Variants in RBMS2 observed in about 807,000 individuals in gnomAD.
The protein encoded by RBMS2 is RNA binding motif single stranded interacting protein 2.
A neutral mutation model predicts 58.4 loss-of-function variants in RBMS2; 38 were observed. The ratio of observed to expected loss-of-function variants is 0.65; its 90% CI spans 0.50 to 0.85. The LOEUF (loss-of-function observed/expected upper bound fraction) is 0.85. RBMS2 is among the 40% of genes least tolerant of loss of function. The pLI, the probability that RBMS2 is intolerant of heterozygous loss-of-function variation, is 0.00. For synonymous variants in RBMS2, 151 were observed against 180.7 expected (o/e 0.84, Z 1.32); for missense variants, 367 against 503.7 (o/e 0.73, Z 2.60).
chr12:56,522,198 A>G, intron 1 of RBMS2, 109 bp downstream of exon 1: 1 of 852,162 alleles, frequency 1.2e-6, no homozygotes, highest in Non-Finnish European at 1.8e-6. Flanking sequence ...TCCTCTCTCA[A>G]GATTCCTAAT....
At chr12:56,538,383 A>C (rs1875351334) in intron 1 of RBMS2, among the ~76,000 whole-genome samples, 1 of 150,836 alleles carries the variant, frequency 6.6e-6, no homozygotes, top group South Asian at 2.1e-4. Flanking sequence ...GATTACAGGC[A>C]TGAGCCACTA....
intron 1 of RBMS2, among the ~76,000 whole-genome samples, chr12:56,533,317 G>A (rs1874117644): frequency 6.6e-6 from 1 of 151,038 alleles, no homozygotes; most frequent in Non-Finnish European, 1.5e-5. Context: ...GCCCAAGATG[G>A]TCTCGAACTC....
chr12:56,526,294 G>A (rs985448690), intron 1 of RBMS2, among the ~76,000 whole-genome samples: 3 of 151,338 alleles, frequency 2.0e-5, no homozygotes, highest in Admixed American at 6.6e-5. Context: ...GCAACAGAGT[G>A]AGACTCCATC....
At chr12:56,543,125 G>T (rs960053388) in intron 1 of RBMS2, among the ~76,000 whole-genome samples, 1 of 151,976 alleles carries the variant, frequency 6.6e-6, no homozygotes, top group African/African-American at 2.4e-5. Flanking sequence ...CTCCTGCCTT[G>T]GTTTCTCTAA....
At position 56,594,847 on chromosome 12, in the gene RBMS2, C is replaced by T. The variant is rs990870875; in HGVS notation, c.*5714C>T. On this transcript the variant is annotated 3_prime_UTR_variant, in exon 14 of 14. Coordinates refer to ENST00000262031, the MANE Select transcript of RBMS2 (RefSeq NM_002898.4). Reference sequence around the variant, plus strand: ...TCTACCTCACAACCTCACAATTCAACAACAGGTAAATACCTGGATTCACTG... The same window carrying T: ...TCTACCTCACAACCTCACAATTCAATAACAGGTAAATACCTGGATTCACTG... 2 of 152,212 alleles carry T rather than the reference C, an allele frequency of 1.3e-5. No individual in the cohort carries two copies. The highest frequency in any genetic ancestry group is 2.9e-5 in the Non-Finnish European group (2 of 68,046). 9.4% of individuals were successfully genotyped at this position (152,212 alleles called of 1,614,324 possible).
At chr12:56,544,055 A>T (rs1019476484) in intron 1 of RBMS2, among the ~76,000 whole-genome samples, 2 of 151,388 alleles carry the variant, frequency 1.3e-5, no homozygotes, top group Non-Finnish European at 2.9e-5. Context: ...AGGCAGGGGG[A>T]TCACAAGGTC....
At chr12:56,525,687 A>C (rs1444060101) in intron 1 of RBMS2, among the ~76,000 whole-genome samples, 2 of 151,330 alleles carry the variant, frequency 1.3e-5, no homozygotes, top group African/African-American at 4.9e-5. Flanking sequence ...TTCGAGACAG[A>C]GTCTCGCTCT....
At chr12:56,564,724 A>G (rs1303540790) in intron 2 of RBMS2, among the ~76,000 whole-genome samples, 1 of 152,196 alleles carries the variant, frequency 6.6e-6, no homozygotes, top group African/African-American at 2.4e-5. Context: ...CTGTAATTCC[A>G]GCACTTTGGG....
At chr12:56,552,123 A>G (rs1180040038) in intron 1 of RBMS2, among the ~76,000 whole-genome samples, 1 of 152,242 alleles carries the variant, frequency 6.6e-6, no homozygotes, top group Non-Finnish European at 1.5e-5. Flanking sequence ...AGTATGATTT[A>G]TTAACTAAAA....
At chr12:56,586,604 C>T (rs1406863781) in intron 9 of RBMS2, among the ~76,000 whole-genome samples, 4 of 151,224 alleles carry the variant, frequency 2.6e-5, no homozygotes, top group Non-Finnish European at 5.9e-5. Flanking sequence ...CTCACTCTGT[C>T]GCCCAGGCTG....
chr12:56,588,423 G>A (rs1884978192), intron 12 of RBMS2, 49 bp downstream of exon 12: 2 of 1,515,602 alleles, frequency 1.3e-6, no homozygotes, highest in Admixed American at 1.7e-5. Flanking sequence ...AATGAACGGA[G>A]GCAGGTTTCC....
chr12:56,575,004 C>A (rs552740729), intron 5 of RBMS2, among the ~76,000 whole-genome samples: 2 of 150,914 alleles, frequency 1.3e-5, no homozygotes, highest in African/African-American at 4.9e-5. Flanking sequence ...AAAAATTAGC[C>A]GGGCGTGGTG....
rs558260845 is a variant in RBMS2 at position 56,524,702 on chromosome 12, A to G, written c.66+2613A>G. Among the ~76,000 whole-genome samples, 351 of 150,808 alleles carry G rather than the reference A, an allele frequency of 2.3e-3. 1 individual carries two copies. The highest frequency in any genetic ancestry group is 4.5e-3 in the Non-Finnish European group (302 of 67,816). ...AAGTGCTGAGATTATACTTTGAGTC[A>G]CCAAGCCTGGCCCATATTTTTATTT... On this transcript the variant is annotated intron_variant, in intron 1 of 13. Transcript: ENST00000262031.
chr12:56,528,110 A>G (rs1001625417), intron 1 of RBMS2: 1 of 152,028 alleles, frequency 6.6e-6, no homozygotes, highest in African/African-American at 2.4e-5. Context: ...TTAGCCACAT[A>G]TGGTGGTGTG....
chr12:56,557,997 C>T (rs1260952134), intron 1 of RBMS2, among the ~76,000 whole-genome samples: 1 of 147,424 alleles, frequency 6.8e-6, no homozygotes, highest in African/African-American at 2.5e-5. Context: ...CCTCAGCCTC[C>T]CAAAGTACTG....
At chr12:56,583,966 T>C (rs375267176) in intron 9 of RBMS2, among the ~76,000 whole-genome samples, 4 of 152,322 alleles carry the variant, frequency 2.6e-5, no homozygotes. Context: ...ATCAGAATCA[T>C]GTGGAAAGCT....
chr12:56,541,472 C>T (rs1479315606), intron 1 of RBMS2, among the ~76,000 whole-genome samples: 1 of 152,116 alleles, frequency 6.6e-6, no homozygotes, highest in Non-Finnish European at 1.5e-5. Context: ...ATTTGCATAG[C>T]TCTTAAAGAT....
At position 56,589,011 on chromosome 12, in the gene RBMS2, A is replaced by G. The variant is rs1885074825; in HGVS notation, c.1223A>G (p.Ter408=). 3 of 1,614,110 alleles carry G rather than the reference A, an allele frequency of 1.9e-6. No homozygotes were observed. Among genetic ancestry groups the G allele is most frequent in the Admixed American group, 1.7e-5 (1 of 60,004 alleles). The change falls in exon 13 of 14, where the codon TAA becomes TGA. Residue 408 remains the stop codon, a stop_retained_variant. Transcript: ENST00000262031. ...GTCTATTCTTTCCAGTTCAACAAGT[A>G]ACAGTGGGTAAGAACCACATGCTGG... is the stretch of plus-strand genomic sequence containing the variant. ...HGVYSFQFNK[*]
chr12:56,595,380 G>A lies in RBMS2; in HGVS notation c.*6247G>A, dbSNP rs1423977513. ...GTGGGTAAACACCTCTTTGCATGTG[G>A]ACAGAAAATGTTTATACTTAAACAG... is the stretch of plus-strand genomic sequence containing the variant. On this transcript the variant is annotated 3_prime_UTR_variant, in exon 14 of 14. Transcript: ENST00000262031. 1 of 152,100 alleles carries A rather than the reference G, an allele frequency of 6.6e-6. No homozygotes were observed. Among genetic ancestry groups the A allele is most frequent in the Non-Finnish European group, 1.5e-5 (1 of 68,034 alleles). 9.4% of individuals were successfully genotyped at this position (152,100 alleles called of 1,614,324 possible). A position where few individuals can be genotyped will look rare whatever the true frequency, so the allele number is the denominator to read the frequency against.
Sources: allele counts gnomAD v4.1 joint callset (sites outside exome capture counted in the v4.1 genomes callset), GRCh38; gene constraint gnomAD v4.1.1; transcripts MANE v1.5; gene names NCBI Gene and HGNC (gene_info 2026-07-23, HGNC 2026-07-21).